The following PDE3A variants were observed in gnomAD, a reference collection of about 807,000 sequenced individuals.
PDE3A encodes the protein phosphodiesterase 3A.
Under a neutral mutation model 98.3 loss-of-function variants are expected in PDE3A, and 43 were observed. The observed-to-expected ratio is 0.44, with a 90% confidence interval of 0.34 to 0.56. PDE3A has a LOEUF of 0.56. Among genes scored for constraint, PDE3A ranks in the 20% least tolerant of loss-of-function variants. The pLI, the probability that PDE3A is intolerant of heterozygous loss-of-function variation, is 0.01. For synonymous variants in PDE3A, 663 were observed against 567.9 expected, an observed-to-expected ratio of 1.17 and a Z score of -2.38; for missense variants, 1,427 against 1,440.7, an observed-to-expected ratio of 0.99 and a Z score of 0.15.
At chr12:20,538,808 C>T (rs1258625037) in intron 1 of PDE3A, among the ~76,000 whole-genome samples, 1 of 152,200 alleles carries the variant, frequency 6.6e-6, no homozygotes, top group Non-Finnish European at 1.5e-5. Flanking sequence ...TCAGGCCTGG[C>T]TAATTTCTAA....
intron 1 of PDE3A, among the ~76,000 whole-genome samples, chr12:20,542,404 G>C (rs1941938470): frequency 6.6e-6 from 1 of 151,102 alleles, no homozygotes; most frequent in Non-Finnish European, 1.5e-5. Flanking sequence ...ATATTCCTTT[G>C]AGTTAGATAG....
At chr12:20,379,243 A>G (rs994361039) in intron 1 of PDE3A, among the ~76,000 whole-genome samples, 1 of 151,868 alleles carries the variant, frequency 6.6e-6, no homozygotes, top group Non-Finnish European at 1.5e-5. Flanking sequence ...TTAAGCTAGC[A>G]TGAACACAAA....
rs551225790 is a variant in PDE3A, at chr12:20,535,147, C to G, written c.961-21513C>G. Among the ~76,000 whole-genome samples, 6 of 152,204 alleles carry G rather than the reference C, an allele frequency of 3.9e-5. No homozygotes were observed. In the South Asian group the frequency reaches 6.2e-4, roughly 16 times the overall value. ...CATAGTTTGAAGTGTCTGATGTCTC[C>G]TCTTGCCTTTAAAGAATACCCTGAA... On this transcript the variant is annotated intron_variant, in intron 1 of 15. Coordinates refer to ENST00000359062, the MANE Select transcript of PDE3A (RefSeq NM_000921.5).
chr12:20,522,779 T>C (rs1305284396), intron 1 of PDE3A, among the ~76,000 whole-genome samples: 1 of 152,032 alleles, frequency 6.6e-6, no homozygotes, highest in East Asian at 1.9e-4. Flanking sequence ...TGTTACCTCA[T>C]AGTAAGATGG....
intron 2 of PDE3A, among the ~76,000 whole-genome samples, chr12:20,571,441 C>T (rs558015427): frequency 8.7e-4 from 132 of 152,206 alleles, no homozygotes; most frequent in Admixed American, 1.9e-3. Context: ...AGTTGTGCAG[C>T]GCACAACACT....
At chr12:20,444,355 C>A (rs917327493) in intron 1 of PDE3A, among the ~76,000 whole-genome samples, 1 of 152,146 alleles carries the variant, frequency 6.6e-6, no homozygotes, top group Admixed American at 6.5e-5. Flanking sequence ...CTTTCTGACA[C>A]TGAATACACA....
chr12:20,622,554 T>C (rs1450702696), intron 5 of PDE3A, among the ~76,000 whole-genome samples: 15 of 152,150 alleles, frequency 9.9e-5, no homozygotes. Flanking sequence ...TTAAATTTTG[T>C]CACTTAGAAG....
chr12:20,449,702 C>T (rs1290322179), intron 1 of PDE3A: 3 of 439,802 alleles, frequency 6.8e-6, no homozygotes, highest in Non-Finnish European at 1.3e-5. Flanking sequence ...GAAATATTTA[C>T]AGTCCTTAGA....
chr12:20,415,083 A>G (rs1001614132), intron 1 of PDE3A, among the ~76,000 whole-genome samples: 1 of 152,070 alleles, frequency 6.6e-6, no homozygotes, highest in African/African-American at 2.4e-5. Flanking sequence ...CAGAATGTCA[A>G]GATAGTTATG....
chr12:20,442,781 G>T (rs1018972387), intron 1 of PDE3A, among the ~76,000 whole-genome samples: 1 of 152,150 alleles, frequency 6.6e-6, no homozygotes, highest in Non-Finnish European at 1.5e-5. Context: ...CATTATCTCA[G>T]TTGAAAACTG....
chr12:20,441,276 A>G (rs1276679269), intron 1 of PDE3A, among the ~76,000 whole-genome samples: 1 of 152,182 alleles, frequency 6.6e-6, no homozygotes. Flanking sequence ...GTAGTCATTG[A>G]GTAGGATCCT....
At chr12:20,491,387 G>A (rs11045283) in intron 1 of PDE3A, among the ~76,000 whole-genome samples, 43,975 of 152,104 alleles carry the variant, frequency 0.29, 8,063 homozygotes, top group East Asian at 0.67. Flanking sequence ...CTCAAAACCA[G>A]AGTGCTGCCT....
chr12:20,632,687 G>A (rs1944407611), intron 6 of PDE3A, among the ~76,000 whole-genome samples: 1 of 151,864 alleles, frequency 6.6e-6, no homozygotes, highest in Non-Finnish European at 1.5e-5. Context: ...GTTTTTCTTG[G>A]TGGTTTACGG....
intron 1 of PDE3A, among the ~76,000 whole-genome samples, chr12:20,542,381 G>C (rs1941937141): frequency 6.6e-6 from 1 of 151,668 alleles, no homozygotes; most frequent in South Asian, 2.1e-4. Flanking sequence ...TAAAAAAGGA[G>C]TTTAAGTAGA....
rs768193061 is a variant in PDE3A, at chr12:20,370,156, G to A, written c.872G>A (p.Arg291Gln). ...EDIPVFKRRR[R>Q]SSSVVSAEMS... The stretch of plus-strand genomic sequence containing the variant: ...ATCCCGGTGTTTAAGAGGAGGAGGC[G>A]GTCCAGCTCCGTCGTGTCCGCCGAG... Residue 291 changes from arginine (R) to glutamine (Q), a missense_variant, in exon 1 of 16, where the codon CGG becomes CAG. Transcript: ENST00000359062. The A allele has an allele frequency of 6.2e-7, 1 of 1,613,196 alleles. No individual in the cohort carries two copies. The highest frequency in any genetic ancestry group is 8.5e-7 in the Non-Finnish European group (1 of 1,179,838).
intron 15 of PDE3A, among the ~76,000 whole-genome samples, chr12:20,676,416 A>C (rs1463930677): frequency 6.6e-6 from 1 of 151,942 alleles, no homozygotes; most frequent in African/African-American, 2.4e-5. Context: ...TCTGCTGAGA[A>C]ATCTGTTAGT....
At chr12:20,639,742 A>G in intron 9 of PDE3A, 104 bp from the exon 10 acceptor site, 2 of 592,786 alleles carry the variant, frequency 3.4e-6, no homozygotes, top group Non-Finnish European at 6.2e-6. Context: ...TTGAAAAGGC[A>G]TTTAATGTTT....
chr12:20,475,319 A>G (rs1223020649), intron 1 of PDE3A, among the ~76,000 whole-genome samples: 1 of 151,958 alleles, frequency 6.6e-6, no homozygotes, highest in Non-Finnish European at 1.5e-5. Flanking sequence ...GTTAGCTCAC[A>G]CTTGCTTTTT....
rs969252593 is a variant in PDE3A at position 20,687,624 on chromosome 12, A to C, written c.*7353A>C. Among the ~76,000 whole-genome samples the C allele has an allele frequency of 7.9e-5, 12 of 151,976 alleles. No homozygotes were observed. Among genetic ancestry groups the C allele is most frequent in the South Asian group, 2.1e-4 (1 of 4,836 alleles). On this transcript the variant is annotated 3_prime_UTR_variant, in exon 16 of 16. Coordinates refer to ENST00000359062, the MANE Select transcript of PDE3A (RefSeq NM_000921.5). The stretch of plus-strand genomic sequence containing the variant: ...TAAGCACTGGTAATAAATATCACTG[A>C]ACCCACCCACCCCCTGATATTTCTT...
Sources: gnomAD v4.1 joint callset for allele counts (sites outside exome capture counted in the v4.1 genomes callset) on GRCh38, gnomAD v4.1.1 for gene constraint, MANE v1.5 for transcripts, NCBI Gene and HGNC (gene_info 2026-07-23, HGNC 2026-07-21) for gene names.